Variants in CFAP46 observed in about 807,000 individuals in gnomAD.
CFAP46 encodes the protein cilia and flagella associated protein 46.
A neutral mutation model predicts 325.7 loss-of-function variants in CFAP46; 245 were observed. That is an observed-to-expected ratio of 0.75 (90% CI 0.68 to 0.84). CFAP46 has a LOEUF of 0.84. Among genes scored for constraint, CFAP46 ranks in the 40% least tolerant of loss-of-function variants. The probability of loss-of-function intolerance (pLI) is 0.00; values close to 1 mark genes in which losing one functional copy is unlikely to be tolerated. For synonymous variants in CFAP46, 1,523 were observed against 1,495.9 expected, an observed-to-expected ratio of 1.02 and a Z score of -0.42; for missense variants, 3,346 against 3,543.0, an observed-to-expected ratio of 0.94 and a Z score of 1.41.
chr10:132,882,306 A>T (rs939004675), intron 27 of CFAP46, among the ~76,000 whole-genome samples: 4 of 146,900 alleles, frequency 2.7e-5, no homozygotes, highest in Admixed American at 6.8e-5. Flanking sequence ...TGTGGGTTAC[A>T]GGTGTGAAGG....
intron 5 of CFAP46, 122 bp downstream of exon 5, chr10:132,938,467 G>T: frequency 2.2e-6 from 2 of 926,508 alleles, no homozygotes; most frequent in Non-Finnish European, 3.3e-6. Context: ...GGGAGAGAAC[G>T]CACATGGAGT....
At chr10:132,917,152 T>C (rs2135578592) in intron 16 of CFAP46, among the ~76,000 whole-genome samples, 1 of 152,388 alleles carries the variant, frequency 6.6e-6, no homozygotes, top group South Asian at 2.1e-4. Context: ...CAGAGAGTTC[T>C]GTGCCGCTTC....
chr10:132,914,088 A>AGCT lies in CFAP46; in HGVS notation c.2121-831_2121-830insAGC, dbSNP rs1175905998. On this transcript the variant is annotated intron_variant, in intron 17 of 57. Transcript: ENST00000368586. Reference sequence around the variant, plus strand: ...CCGAGGCTGTGTCCAGCCACACTGCACCCCGGCCCGAGGCTGTGTCCAGCC... The same window carrying AGCT: ...CCGAGGCTGTGTCCAGCCACACTGCAGCTCCCCGGCCCGAGGCTGTGTCCAGCC... Among the ~76,000 whole-genome samples the AGCT allele has an allele frequency of 7.4e-5, 9 of 121,622 alleles. No individual in the cohort carries two copies. In the East Asian group the frequency reaches 2.0e-3, roughly 27 times the overall value. The allele number at this position is 121,622 out of a possible 152,430, so 79.8% of individuals were successfully genotyped here.
intron 50 of CFAP46, among the ~76,000 whole-genome samples, chr10:132,824,722 G>A (rs1848000633): frequency 6.0e-5 from 5 of 83,138 alleles, no homozygotes; most frequent in Non-Finnish European, 1.2e-4. Flanking sequence ...TGTGTGTACT[G>A]ATGTGTGCTG....
At position 132,814,358 on chromosome 10, in the gene CFAP46, A is replaced by G. The variant is rs562816312; in HGVS notation, c.7286-104T>C. On this transcript the variant is annotated intron_variant, in intron 53 of 57. Coordinates refer to ENST00000368586, the MANE Select transcript of CFAP46 (RefSeq NM_001200049.3). ...GGTCACAGCGAATGCAGGCGCATAT[A>G]TCAGTGCCCTGCCATGCCCGGGTGG... 4 of 1,076,760 alleles carry G rather than the reference A, an allele frequency of 3.7e-6. No individual in the cohort carries two copies. The East Asian group carries it at 1.0e-4, about 28-fold the overall frequency. 66.7% of individuals were successfully genotyped at this position (1,076,760 alleles called of 1,614,324 possible).
Position 132,934,023 on chromosome 10 carries a change from C to T in CFAP46, c.866+729G>A, listed in dbSNP as rs116202411. On this transcript the variant is annotated intron_variant, in intron 8 of 57. Coordinates refer to ENST00000368586, the MANE Select transcript of CFAP46 (RefSeq NM_001200049.3). ...TGCCCGGGTACCTGAACCGCAGACA[C>T]GGTGAGGTCATGGACCTGTGTTGTT... Among the ~76,000 whole-genome samples the T allele has an allele frequency of 6.8e-3, 1,036 of 152,308 alleles. 12 individuals carry two copies. The highest frequency in any genetic ancestry group is 0.024 in the African/African-American group (983 of 41,550).
At position 132,919,176 on chromosome 10, in the gene CFAP46, A is replaced by G; in HGVS notation, c.1858+139T>C. On this transcript the variant is annotated intron_variant, in intron 15 of 57. Transcript: ENST00000368586. The surrounding 1 kb of genome is among the most constrained non-coding windows in gnomAD (Gnocchi z 9.7). The stretch of plus-strand genomic sequence containing the variant: ...TTGGCGGTCCTGATAATTAGTGGGA[A>G]CTGCTACCATTGTGACTTAGCAATA... The G allele has an allele frequency of 1.1e-6, 1 of 933,020 alleles. No homozygotes were observed. Among genetic ancestry groups the G allele is most frequent in the Non-Finnish European group, 1.5e-6 (1 of 663,512 alleles). The allele number at this position is 933,020 out of a possible 1,614,324, so 57.8% of individuals were successfully genotyped here. A position where few individuals can be genotyped will look rare whatever the true frequency, so the allele number is the denominator to read the frequency against.
In CFAP46 at chr10:132,810,476, A is replaced by G; in HGVS notation, c.7597T>C (p.Trp2533Arg). The change falls in exon 57 of 58, where the codon TGG (tryptophan) becomes CGG (arginine). Residue 2533 changes from tryptophan (W) to arginine (R), a missense_variant. Physicochemically the swap from Trp to Arg is moderately radical, Grantham distance 101 (BLOSUM62 -3). Transcript: ENST00000368586. ...SVEHRRSVGR[W>R]EANWRNSASP... is the part of the protein sequence containing the mutation. The stretch of plus-strand genomic sequence containing the variant: ...GCACTGTTTCTCCAATTGGCTTCCC[A>G]ACGGCCAACAGATCTAGGGGAGAAA... The G allele has an allele frequency of 3.7e-6, 6 of 1,613,548 alleles. No homozygotes were observed. The highest frequency in any genetic ancestry group is 5.1e-6 in the Non-Finnish European group (6 of 1,179,928).
intron 9 of CFAP46, among the ~76,000 whole-genome samples, chr10:132,928,490 G>C (rs899568682): frequency 2.0e-5 from 3 of 152,214 alleles, no homozygotes; most frequent in Non-Finnish European, 4.4e-5. Flanking sequence ...GGCTGTCAAG[G>C]CCACGTGAAC....
Position 132,889,238 on chromosome 10 carries a change from C to T in CFAP46, c.3304+3095G>A, listed in dbSNP as rs1006685209. On this transcript the variant is annotated intron_variant, in intron 25 of 57. Coordinates refer to ENST00000368586, the MANE Select transcript of CFAP46 (RefSeq NM_001200049.3). The surrounding 1 kb of genome is among the most constrained non-coding windows in gnomAD (Gnocchi z 6.0). ...CCAGCACCTGGACCACCGAGGCTTA[C>T]GTCACAGAGTGTGGAGACTTCTTTC... 6.6e-6 allele frequency among the ~76,000 whole-genome samples: 1 copy of T among 152,170 alleles called. No homozygotes were observed. The highest frequency in any genetic ancestry group is 2.4e-5 in the African/African-American group (1 of 41,422).
At chr10:132,912,118 A>ACCCCCCCCCCCCCCCCC (rs1348177473) in intron 19 of CFAP46, among the ~76,000 whole-genome samples, 1 of 36,286 alleles carries the variant, frequency 2.8e-5, no homozygotes, top group African/African-American at 1.2e-4. Context: ...CTCTCCCTCC[A>ACCCCCCCCCCCCCCCCC]CCCCCACCCC....
At position 132,811,043 on chromosome 10, in the gene CFAP46, G is replaced by A; in HGVS notation, c.7502-12C>T. 1 of 1,574,632 alleles carries A rather than the reference G, an allele frequency of 6.4e-7. No homozygotes were observed. The highest frequency in any genetic ancestry group is 8.6e-7 in the Non-Finnish European group (1 of 1,160,720). ...TGCCACCTGGCACTCTGCCGGGACG[G>A]GAAGGGCAGCTCAGCAGCCTTGGCC... On this transcript the variant is annotated splice_polypyrimidine_tract_variant and intron_variant, in intron 55 of 57. Coordinates refer to ENST00000368586, the MANE Select transcript of CFAP46 (RefSeq NM_001200049.3).
At chr10:132,941,217 C>T (rs559481992) in intron 3 of CFAP46, among the ~76,000 whole-genome samples, 157 bp from the exon 4 acceptor site, 25 of 152,280 alleles carry the variant, frequency 1.6e-4, no homozygotes, top group African/African-American at 4.8e-4. Flanking sequence ...GCCTGAGTGT[C>T]GTGGCGAGGT....
In CFAP46 at chr10:132,924,774, G is replaced by C. The variant is rs1849781621; in HGVS notation, c.1178C>G (p.Pro393Arg). The C allele has an allele frequency of 6.5e-7, 1 of 1,532,816 alleles. No homozygotes were observed. The highest frequency in any genetic ancestry group is 1.4e-5 in the African/African-American group (1 of 71,428). 95.0% of individuals were successfully genotyped at this position (1,532,816 alleles called of 1,614,324 possible). ...GTGCCGCAGGTTGTGCTGCAGCAGG[G>C]GCAGGCAGGTGTTCCACTGCGTGGC... is the stretch of plus-strand genomic sequence containing the variant. ...VCATQWNTCL[P>R]LLQHNLRHHL... is the part of the protein sequence containing the mutation. The change falls in exon 11 of 58, where the codon CCC becomes CGC. Residue 393 changes from proline to arginine, a missense_variant. Transcript: ENST00000368586.
Position 132,886,107 on chromosome 10 carries a change from G to C in CFAP46, c.3305-148C>G. ...GCCCAGGCCAGCGCATGCCCCGCAG[G>C]GCTGAAGTGAGCTGTGGACCTGCAT... On this transcript the variant is annotated intron_variant, in intron 25 of 57. Coordinates refer to ENST00000368586, the MANE Select transcript of CFAP46 (RefSeq NM_001200049.3). The surrounding 1 kb of genome is among the most constrained non-coding windows in gnomAD (Gnocchi z 5.8). 8.8e-7 allele frequency: 1 copy of C among 1,141,318 alleles called. No individual in the cohort carries two copies. Among genetic ancestry groups the C allele is most frequent in the Non-Finnish European group, 1.2e-6 (1 of 817,592 alleles). 70.7% of individuals were successfully genotyped at this position (1,141,318 alleles called of 1,614,324 possible).
At chr10:132,872,450 G>A (rs1279145412) in intron 32 of CFAP46, 3 of 533,626 alleles carry the variant, frequency 5.6e-6, no homozygotes, top group East Asian at 3.4e-5. Context: ...GTAGAGATGG[G>A]GTCTTGCTAT....
chr10:132,887,061 CCTCTCTCCTCTCCTCTCTCACTTCT>C (rs1219850240), intron 25 of CFAP46, among the ~76,000 whole-genome samples: 4 of 150,068 alleles, frequency 2.7e-5, no homozygotes, highest in African/African-American at 7.3e-5. Flanking sequence ...TTCTCTCTGG[CCTCTCTCCTCTCCTCTCTCACTTCT>C]CTCTCTCCTC....
chr10:132,913,585 G>T lies in CFAP46; in HGVS notation c.2121-327C>A, dbSNP rs535846410. Among the ~76,000 whole-genome samples, 4 of 152,130 alleles carry T rather than the reference G, an allele frequency of 2.6e-5. No homozygotes were observed. In the South Asian group the frequency reaches 6.2e-4, roughly 24 times the overall value. ...ATCTGAGGTGGAAACGTTTCATCCC[G>T]CGACCAGCCTCCACCCAGCCAGTCC... On this transcript the variant is annotated intron_variant, in intron 17 of 57. Transcript: ENST00000368586.
rs547351880 is a variant in CFAP46 at position 132,885,131 on chromosome 10, C to G, written c.3599G>C (p.Cys1200Ser). ...NSPSVSGELA[C>S]YNNAIQALQK... ...CAAGGCCTGGATGGCGTTGTTGTAG[C>G]AGGCCAGCTCTCCAGACACGCTCGG... Residue 1200 changes from cysteine to serine, a missense_variant, in exon 27 of 58, where the codon TGC (cysteine) becomes TCC (serine). Transcript: ENST00000368586. 6.5e-7 allele frequency: 1 copy of G among 1,549,262 alleles called. No individual in the cohort carries two copies. Among genetic ancestry groups the G allele is most frequent in the Admixed American group, 2.0e-5 (1 of 50,914 alleles).
Sources: gnomAD v4.1 joint callset for allele counts (sites outside exome capture counted in the v4.1 genomes callset) on GRCh38, gnomAD v4.1.1 for gene constraint, Gnocchi (gnomAD v3.1) non-coding constraint, MANE v1.5 for transcripts, NCBI Gene and HGNC (gene_info 2026-07-23, HGNC 2026-07-21) for gene names.